ANKRD46: variants seen among roughly 807,000 people sequenced by gnomAD.
The protein encoded by ANKRD46 is ankyrin repeat domain 46.
In ANKRD46, 13 loss-of-function variants were observed where a neutral mutation model predicts 19.8. The ratio of observed to expected loss-of-function variants is 0.66; its 90% CI spans 0.43 to 1.04. ANKRD46 has a LOEUF of 1.04. Ranked by LOEUF, ANKRD46 falls within the 50% of genes least tolerant of loss-of-function variation. The pLI, the probability that ANKRD46 is intolerant of heterozygous loss-of-function variation, is 0.00. For missense variants in ANKRD46, 185 were observed against 274.8 expected (o/e 0.67, Z 2.31); for synonymous variants, 91 against 106.9 (o/e 0.85, Z 0.92).
At position 100,510,678 on chromosome 8, in the gene ANKRD46, AT is replaced by A. The variant is rs1479025997; in HGVS notation, c.637-40del. The A allele has an allele frequency of 1.3e-5, 18 of 1,405,330 alleles. No individual in the cohort carries two copies. Among genetic ancestry groups the A allele is most frequent in the Non-Finnish European group, 1.7e-5 (18 of 1,035,642 alleles). 87.1% of individuals were successfully genotyped at this position (1,405,330 alleles called of 1,614,324 possible). A position where few individuals can be genotyped will look rare whatever the true frequency, so the allele number is the denominator to read the frequency against. ...GAAGACAGATTAAAAAAAAAAAAAA[AT>A]CCCAGTTCTGTTAAGCTGCAGAGAT... On this transcript the variant is annotated intron_variant, in intron 5 of 5. Coordinates refer to the ANKRD46 transcript ENST00000520552. This position sits in a 1 kb window ranked among gnomAD's most constrained non-coding sequence, Gnocchi z 4.9.
At chr8:100,538,110 A>G (rs1395394894) in intron 1 of ANKRD46, among the ~76,000 whole-genome samples, 1 of 152,234 alleles carries the variant, frequency 6.6e-6, no homozygotes, top group Non-Finnish European at 1.5e-5. Context: ...AAGTCTAGAC[A>G]TAGGGAAATC....
downstream of ANKRD46, among the ~76,000 whole-genome samples, chr8:100,517,160 A>G (rs1447479900): frequency 6.6e-6 from 1 of 152,194 alleles, no homozygotes; most frequent in Non-Finnish European, 1.5e-5. Flanking sequence ...TGGGCTGGGC[A>G]CTACTATTAG....
rs1370074140 is a variant in ANKRD46, at chr8:100,559,141, C to A, written c.-131+570G>T. On this transcript the variant is annotated intron_variant, in intron 1 of 4. Coordinates refer to ENST00000335659, the MANE Select transcript of ANKRD46 (RefSeq NM_001270377.2). The surrounding 1 kb of genome is among the most constrained non-coding windows in gnomAD (Gnocchi z 6.0). The stretch of plus-strand genomic sequence containing the variant: ...GGAAAACCTCAGAGAGAACGATCTG[C>A]TTTTTAGCACTGCAAGCCAATTAAG... 6.6e-6 allele frequency: 1 copy of A among 152,224 alleles called. No individual in the cohort carries two copies. The highest frequency in any genetic ancestry group is 1.5e-5 in the Non-Finnish European group (1 of 68,034). 9.4% of individuals were successfully genotyped at this position (152,224 alleles called of 1,614,324 possible). A position where few individuals can be genotyped will look rare whatever the true frequency, so the allele number is the denominator to read the frequency against.
At chr8:100,515,242 T>C (rs1280501312) in intron 5 of ANKRD46, among the ~76,000 whole-genome samples, 1 of 152,198 alleles carries the variant, frequency 6.6e-6, no homozygotes, top group Non-Finnish European at 1.5e-5. Context: ...ATTGCTTCGC[T>C]GTTAAGAAAA....
intron 1 of ANKRD46, among the ~76,000 whole-genome samples, chr8:100,542,211 A>G (rs1314509603): frequency 6.6e-6 from 1 of 152,160 alleles, no homozygotes; most frequent in Non-Finnish European, 1.5e-5. Flanking sequence ...CCATTTGTAC[A>G]TTTATGGCCT....
intron 1 of ANKRD46, among the ~76,000 whole-genome samples, chr8:100,552,151 A>AAAT (rs1196162977): frequency 8.6e-6 from 1 of 116,146 alleles, no homozygotes; most frequent in Non-Finnish European, 1.8e-5. Flanking sequence ...CTCTGTCTTA[A>AAAT]AAAAAAAAAA....
rs142573774 is a variant in ANKRD46, at chr8:100,525,387, T to C, written c.470+2458A>G. On this transcript the variant is annotated intron_variant, in intron 4 of 4. Coordinates refer to ENST00000335659, the MANE Select transcript of ANKRD46 (RefSeq NM_001270377.2). The surrounding 1 kb of genome is among the most constrained non-coding windows in gnomAD (Gnocchi z 4.4). ...TTCAGCACCTCTATAAGAAACTCTG[T>C]ACCTATTAGCAGTCACTCCCATTGC... 2.2e-4 allele frequency among the ~76,000 whole-genome samples: 33 copies of C among 152,314 alleles called. No homozygotes were observed. The highest frequency in any genetic ancestry group is 3.4e-3 in the Middle Eastern group (1 of 294).
Position 100,511,970 on chromosome 8 carries a change from A to G in ANKRD46, c.637-1331T>C, listed in dbSNP as rs1031385023. On this transcript the variant is annotated intron_variant, in intron 5 of 5. Transcript: ENST00000520552. This position sits in a 1 kb window ranked among gnomAD's most constrained non-coding sequence, Gnocchi z 4.1. ...AACCCAGGTGGCGGAGGCTGCGGTG[A>G]GCCGAGATTGTGCCACTGCACTTCA... 6.6e-6 allele frequency among the ~76,000 whole-genome samples: 1 copy of G among 152,206 alleles called. No homozygotes were observed. The highest frequency in any genetic ancestry group is 1.5e-5 in the Non-Finnish European group (1 of 68,040).
rs1043586604 is a variant in ANKRD46, at chr8:100,525,013, A to C, written c.471-2242T>G. Among the ~76,000 whole-genome samples, 2 of 121,952 alleles carry C rather than the reference A, an allele frequency of 1.6e-5. No homozygotes were observed. Among genetic ancestry groups the C allele is most frequent in the African/African-American group, 5.9e-5 (2 of 34,162 alleles). 80.0% of individuals were successfully genotyped at this position (121,952 alleles called of 152,430 possible). On this transcript the variant is annotated intron_variant, in intron 4 of 4. Transcript: ENST00000335659. This position sits in a 1 kb window ranked among gnomAD's most constrained non-coding sequence, Gnocchi z 4.4. ...ATCCCATACCTACAAAGTAAAAAGG[A>C]ATTAAACTTAGAGTTATATGGAGGA...
intron 1 of ANKRD46, among the ~76,000 whole-genome samples, chr8:100,558,767 T>C (rs1243219389): frequency 6.6e-6 from 1 of 152,160 alleles, no homozygotes; most frequent in African/African-American, 2.4e-5. Context: ...GCTAGCTTTC[T>C]GACCTTGGAG....
rs1339644154 is a variant in ANKRD46, at chr8:100,521,022, G to T, written c.*1533C>A. On this transcript the variant is annotated 3_prime_UTR_variant, in exon 5 of 5. Transcript: ENST00000335659. The stretch of plus-strand genomic sequence containing the variant: ...TTCCAAAGCCAGCTGTTTTTTGCTG[G>T]ATTTACACCAACTATGATTTACTTT... 1.0e-6 allele frequency: 1 copy of T among 984,852 alleles called. No homozygotes were observed. Among genetic ancestry groups the T allele is most frequent in the African/African-American group, 1.8e-5 (1 of 57,116 alleles). 61.0% of individuals were successfully genotyped at this position (984,852 alleles called of 1,614,324 possible). A position where few individuals can be genotyped will look rare whatever the true frequency, so the allele number is the denominator to read the frequency against.
Position 100,534,844 on chromosome 8 carries a change from A to C in ANKRD46, c.-130-1533T>G, listed in dbSNP as rs891536559. ...GAGTGCAGTGGTGCAATCTCGACTC[A>C]CCTGCAGAGGCCTCCGCGTTCAAGC... On this transcript the variant is annotated intron_variant, in intron 1 of 4. Transcript: ENST00000335659. This position sits in a 1 kb window ranked among gnomAD's most constrained non-coding sequence, Gnocchi z 4.2. 2.6e-5 allele frequency among the ~76,000 whole-genome samples: 4 copies of C among 152,170 alleles called. No homozygotes were observed. Among genetic ancestry groups the C allele is most frequent in the Non-Finnish European group, 4.4e-5 (3 of 68,042 alleles).
intron 4 of ANKRD46, among the ~76,000 whole-genome samples, chr8:100,526,167 T>C (rs981001864): frequency 6.6e-6 from 1 of 152,202 alleles, no homozygotes; most frequent in African/African-American, 2.4e-5. Context: ...ATGGCAGGTA[T>C]GTGAAGGAAG....
In ANKRD46 at chr8:100,529,433, GA is replaced by G; in HGVS notation, c.311+89del. On this transcript the variant is annotated intron_variant, in intron 3 of 4. Coordinates refer to ENST00000335659, the MANE Select transcript of ANKRD46 (RefSeq NM_001270377.2). The surrounding 1 kb of genome is among the most constrained non-coding windows in gnomAD (Gnocchi z 5.8). Reference sequence around the variant, plus strand: ...GAACTTATTTCAACTGATTAATGAGGAAACAAAACCAACAGACCCAAGATAA... The same window carrying G: ...GAACTTATTTCAACTGATTAATGAGGAACAAAACCAACAGACCCAAGATAA... The G allele has an allele frequency of 7.5e-7, 1 of 1,341,582 alleles. No homozygotes were observed. The highest frequency in any genetic ancestry group is 1.4e-5 in the South Asian group (1 of 70,274). The allele number at this position is 1,341,582 out of a possible 1,614,324, so 83.1% of individuals were successfully genotyped here. A position where few individuals can be genotyped will look rare whatever the true frequency, so the allele number is the denominator to read the frequency against.
chr8:100,555,109 A>G (rs546517605), intron 1 of ANKRD46, among the ~76,000 whole-genome samples: 1 of 152,304 alleles, frequency 6.6e-6, no homozygotes, highest in South Asian at 2.1e-4. Flanking sequence ...TCTTTTACAA[A>G]CATCACAATA....
In ANKRD46 at chr8:100,510,663, TAAAAA is replaced by T; in HGVS notation, c.637-29_637-25del. On this transcript the variant is annotated intron_variant, in intron 5 of 5. Transcript: ENST00000520552. This position sits in a 1 kb window ranked among gnomAD's most constrained non-coding sequence, Gnocchi z 4.9. Reference sequence around the variant, plus strand: ...CTCTGTAAATGTGGGGAAGACAGATTAAAAAAAAAAAAAAATCCCAGTTCTGTTAA... The same window carrying T: ...CTCTGTAAATGTGGGGAAGACAGATTAAAAAAAAAATCCCAGTTCTGTTAA... 7.8e-7 allele frequency: 1 copy of T among 1,285,306 alleles called. No individual in the cohort carries two copies. Among genetic ancestry groups the T allele is most frequent in the Non-Finnish European group, 1.0e-6 (1 of 958,656 alleles). 79.6% of individuals were successfully genotyped at this position (1,285,306 alleles called of 1,614,324 possible). A position where few individuals can be genotyped will look rare whatever the true frequency, so the allele number is the denominator to read the frequency against.
At chr8:100,512,857 C>A (rs7832617) in intron 5 of ANKRD46, among the ~76,000 whole-genome samples, 129,414 of 152,194 alleles carry the variant, frequency 0.85, 55,751 homozygotes, top group African/African-American at 0.92. Flanking sequence ...TTGGTTAAAA[C>A]GTATACACTT....
downstream of ANKRD46, among the ~76,000 whole-genome samples, chr8:100,516,506 C>A (rs1461502945): frequency 6.6e-6 from 1 of 152,114 alleles, no homozygotes; most frequent in Non-Finnish European, 1.5e-5. Flanking sequence ...TATCCACCCC[C>A]CCATCATAAT....
intron 1 of ANKRD46, among the ~76,000 whole-genome samples, chr8:100,535,355 T>A (rs568112666): frequency 6.6e-6 from 1 of 152,360 alleles, no homozygotes; most frequent in African/African-American, 2.4e-5. Context: ...TAATTATAAA[T>A]TCATATGCAG....
Sources: gnomAD v4.1 joint callset for allele counts (sites outside exome capture counted in the v4.1 genomes callset) on GRCh38, gnomAD v4.1.1 for gene constraint, Gnocchi (gnomAD v3.1) non-coding constraint, MANE v1.5 for transcripts, NCBI Gene and HGNC (gene_info 2026-07-23, HGNC 2026-07-21) for gene names.